The following NELL2 variants were observed in gnomAD, a reference collection of about 807,000 sequenced individuals.
NELL2 encodes protein kinase C-binding protein NELL2.
A neutral mutation model predicts 109.6 loss-of-function variants in NELL2; 41 were observed. That is an observed-to-expected ratio of 0.37 (90% confidence interval 0.29 to 0.49). The LOEUF is 0.49. NELL2 is among the 20% of genes least tolerant of loss of function. The probability of loss-of-function intolerance (pLI) is 0.98; values close to 1 mark genes in which losing one functional copy is unlikely to be tolerated. For missense variants in NELL2, 900 were observed against 1,008.3 expected (o/e 0.89, Z 1.45); for synonymous variants, 355 against 344.7 (o/e 1.03, Z -0.33).
At chr12:44,738,129 G>A (rs1210715484) in intron 9 of NELL2, among the ~76,000 whole-genome samples, 2 of 152,048 alleles carry the variant, frequency 1.3e-5, no homozygotes, top group Admixed American at 6.5e-5. Flanking sequence ...CTCTAACACG[G>A]CACTCAGCCA....
At chr12:44,861,018 CCT>C (rs1264001766) in intron 2 of NELL2, among the ~76,000 whole-genome samples, 27 of 152,272 alleles carry the variant, frequency 1.8e-4, no homozygotes, top group Admixed American at 1.1e-3. Flanking sequence ...CCCTCATCCC[CCT>C]GATAGAAACA....
At chr12:44,800,000 C>T (rs148133877) in intron 3 of NELL2, among the ~76,000 whole-genome samples, 2,199 of 152,088 alleles carry the variant, frequency 0.014, 52 homozygotes, top group African/African-American at 0.05. Context: ...TGAATTTAAT[C>T]GTATTTAATC....
chr12:44,876,999 C>T, upstream of NELL2: 1 of 689,894 alleles, frequency 1.4e-6, no homozygotes, highest in Non-Finnish European at 1.9e-6. Context: ...AGGTGCTGGA[C>T]AGCTCCGGAA....
At chr12:44,677,467 C>A (rs1351369975) in intron 12 of NELL2, among the ~76,000 whole-genome samples, 1 of 152,090 alleles carries the variant, frequency 6.6e-6, no homozygotes, top group Non-Finnish European at 1.5e-5. Flanking sequence ...TCTGCAATTT[C>A]CAGACATATT....
chr12:44,853,728 T>C (rs956259826), intron 2 of NELL2, among the ~76,000 whole-genome samples: 5 of 152,140 alleles, frequency 3.3e-5, no homozygotes, highest in Admixed American at 3.3e-4. Context: ...AACAAACATA[T>C]GAATGATAGT....
rs994251370 is a variant in NELL2, at chr12:44,900,244, G to T, written c.38+13555C>A. Among the ~76,000 whole-genome samples the T allele has an allele frequency of 5.9e-5, 9 of 152,186 alleles. No homozygotes were observed. The South Asian group carries it at 1.9e-3, about 32-fold the overall frequency. On this transcript the variant is annotated intron_variant, in intron 1 of 20. Coordinates refer to the NELL2 transcript ENST00000333837. ...CAAGCATATTCAGGACTTGAACTCA[G>T]CTCAGGACCAAGCAGACCTAATGGA...
intron 9 of NELL2, among the ~76,000 whole-genome samples, chr12:44,732,347 T>C (rs564387507): frequency 4.6e-5 from 7 of 152,124 alleles, no homozygotes; most frequent in East Asian, 1.9e-4. Flanking sequence ...TAAAACCGTA[T>C]GGTTTTTGGC....
At chr12:44,837,009 A>T (rs532701490) in intron 2 of NELL2, among the ~76,000 whole-genome samples, 1 of 152,264 alleles carries the variant, frequency 6.6e-6, no homozygotes, top group East Asian at 1.9e-4. Context: ...CAAGATCCTC[A>T]AGGTTAGGGG....
rs1592117769 is a variant in NELL2, at chr12:44,559,276, G to A, written c.1664-26555C>T. ...TATGAAGAAACTGCATCAACTAATG[G>A]GCAAAATAACCAGCTAGCATCACAA... is the stretch of plus-strand genomic sequence containing the variant. On this transcript the variant is annotated intron_variant, in intron 15 of 19. Transcript: ENST00000429094. Among the ~76,000 whole-genome samples, 4 of 152,100 alleles carry A rather than the reference G, an allele frequency of 2.6e-5. 1 individual carries two copies. In the East Asian group the frequency reaches 5.8e-4, roughly 22 times the overall value.
Position 44,508,925 on chromosome 12 carries a change from C to CAGTT in NELL2, c.*5_*8dup, listed in dbSNP as rs773739627. 13 of 1,608,872 alleles carry CAGTT rather than the reference C, an allele frequency of 8.1e-6. No homozygotes were observed. Among genetic ancestry groups the CAGTT allele is most frequent in the Non-Finnish European group, 1.1e-5 (13 of 1,176,410 alleles). ...CTTTTAACAGAAATCTCCCATGAGA[C>CAGTT]AGTTAACTTCACAGTTCCTGAAGGC... On this transcript the variant is annotated 3_prime_UTR_variant, in exon 20 of 20. Transcript: ENST00000429094.
At chr12:44,548,447 A>G (rs999305913) in intron 15 of NELL2, among the ~76,000 whole-genome samples, 7 of 151,958 alleles carry the variant, frequency 4.6e-5, no homozygotes, top group Admixed American at 2.6e-4. Context: ...TGGGAGGCTT[A>G]GTCAGGAGAA....
intron 9 of NELL2, among the ~76,000 whole-genome samples, chr12:44,739,224 T>C (rs530236163): frequency 7.6e-4 from 116 of 152,302 alleles, no homozygotes; most frequent in African/African-American, 2.7e-3. Context: ...TGTGTGTATG[T>C]ATGTATCCTT....
At chr12:44,887,676 T>TTTG (rs959856408) in intron 1 of NELL2, among the ~76,000 whole-genome samples, 3 of 150,832 alleles carry the variant, frequency 2.0e-5, no homozygotes, top group Admixed American at 2.0e-4. Flanking sequence ...TGTTGTTGTT[T>TTTG]TTGTTGTTGT....
At chr12:44,654,672 A>G (rs1231705966) in intron 13 of NELL2, among the ~76,000 whole-genome samples, 1 of 152,186 alleles carries the variant, frequency 6.6e-6, no homozygotes, top group African/African-American at 2.4e-5. Flanking sequence ...AGAAGCACAC[A>G]GGAGAGATGA....
chr12:44,848,124 A>T (rs1202571421), intron 2 of NELL2, among the ~76,000 whole-genome samples: 1 of 151,910 alleles, frequency 6.6e-6, no homozygotes, highest in Non-Finnish European at 1.5e-5. Context: ...GTATAAACTT[A>T]GGGCATAGCC....
intron 11 of NELL2, among the ~76,000 whole-genome samples, chr12:44,705,217 T>C (rs933606951): frequency 3.3e-5 from 5 of 152,090 alleles, no homozygotes; most frequent in African/African-American, 1.2e-4. Flanking sequence ...TTAATGCAAC[T>C]ATGATGTATA....
chr12:44,603,225 C>T (rs1945283435), intron 15 of NELL2, among the ~76,000 whole-genome samples: 1 of 152,032 alleles, frequency 6.6e-6, no homozygotes, highest in African/African-American at 2.4e-5. Flanking sequence ...AAGCATTTAT[C>T]ATCAAAATGT....
At chr12:44,796,228 A>G (rs1460618206) in intron 3 of NELL2, among the ~76,000 whole-genome samples, 1 of 152,146 alleles carries the variant, frequency 6.6e-6, no homozygotes, top group African/African-American at 2.4e-5. Flanking sequence ...TTCCTATGAT[A>G]CAATTATACA....
intron 2 of NELL2, among the ~76,000 whole-genome samples, chr12:44,834,082 T>C (rs1943972020): frequency 6.6e-6 from 1 of 152,192 alleles, no homozygotes; most frequent in African/African-American, 2.4e-5. Context: ...CTTAGATAGA[T>C]GTATTTCTGA....
Sources: gnomAD v4.1 joint callset for allele counts (sites outside exome capture counted in the v4.1 genomes callset) on GRCh38, gnomAD v4.1.1 for gene constraint, MANE v1.5 for transcripts, NCBI Gene and HGNC (gene_info 2026-07-23, HGNC 2026-07-21) for gene names.